Variants in ADGRG5 observed in about 807,000 individuals in gnomAD.
The protein encoded by ADGRG5 is G protein-coupled receptor 114.
A neutral mutation model predicts 53.2 loss-of-function variants in ADGRG5; 37 were observed. That is an observed-to-expected ratio of 0.70 (90% confidence interval 0.53 to 0.91). The LOEUF is 0.91. ADGRG5 is among the 40% of genes least tolerant of loss of function. The pLI is 0.00. For synonymous variants in ADGRG5, 277 were observed against 290.4 expected (o/e 0.95, Z 0.47); for missense variants, 614 against 675.8 (o/e 0.91, Z 1.01).
At chr16:57,568,853 CCTCCACCAT>C in intron 9 of ADGRG5, among the ~76,000 whole-genome samples, 1 of 149,886 alleles carries the variant, frequency 6.7e-6, no homozygotes, top group East Asian at 2.0e-4. Context: ...ATCACCACCT[CCTCCACCAT>C]CATCACCTCC....
intron 6 of ADGRG5, 52 bp downstream of exon 6, chr16:57,565,202 C>T (rs1156867262): frequency 1.8e-6 from 2 of 1,090,892 alleles, no homozygotes; most frequent in Admixed American, 1.8e-5. Context: ...CTCTGTGACT[C>T]TCCTGTTGAA....
chr16:57,533,268 A>C, the ADGRG5 span, among the ~76,000 whole-genome samples: 1 of 151,982 alleles, frequency 6.6e-6, no homozygotes, highest in Admixed American at 6.5e-5. Flanking sequence ...GGTCCCCTGG[A>C]GCGGGTGTGT....
intron 8 of ADGRG5, 68 bp downstream of exon 8, chr16:57,567,659 T>C: frequency 6.4e-7 from 1 of 1,567,694 alleles, no homozygotes; most frequent in Non-Finnish European, 8.7e-7. Flanking sequence ...GTGTCCCATT[T>C]AGTCCACTAG....
At chr16:57,571,834 A>G (rs2033370074) in intron 10 of ADGRG5, among the ~76,000 whole-genome samples, 1 of 151,802 alleles carries the variant, frequency 6.6e-6, no homozygotes, top group African/African-American at 2.4e-5. Flanking sequence ...TAGTAGAGAC[A>G]GAGTTTCAGC....
chr16:57,563,030 C>A, intron 3 of ADGRG5, 61 bp from the exon 4 acceptor site: 1 of 1,583,740 alleles, frequency 6.3e-7, no homozygotes, highest in East Asian at 2.2e-5. Flanking sequence ...TGTCTACAGC[C>A]CCCTCTCACC....
intron 9 of ADGRG5, among the ~76,000 whole-genome samples, chr16:57,569,141 C>A (rs2033250708): frequency 6.8e-6 from 1 of 146,766 alleles, no homozygotes; most frequent in South Asian, 2.3e-4. Context: ...ATCACCTCCT[C>A]CACCTCCATC....
intron 9 of ADGRG5, 118 bp downstream of exon 9, chr16:57,568,242 G>T: frequency 1.0e-6 from 1 of 999,988 alleles, no homozygotes; most frequent in Non-Finnish European, 1.5e-6. Context: ...ATGACCACCA[G>T]CTGTGAACTC....
At chr16:57,540,678 G>A (rs1426866901), upstream of ADGRG5, among the ~76,000 whole-genome samples, 1 of 152,168 alleles carries the variant, frequency 6.6e-6, no homozygotes, top group Non-Finnish European at 1.5e-5. Context: ...ACCACAGCTG[G>A]GACCGAGCAG....
Position 57,575,737 on chromosome 16 carries a change from G to A in ADGRG5, c.*199G>A, listed in dbSNP as rs530041031. 3.4e-5 allele frequency: 19 copies of A among 565,520 alleles called. No homozygotes were observed. The highest frequency in any genetic ancestry group is 1.5e-4 in the South Asian group (7 of 47,874). The allele number at this position is 565,520 out of a possible 1,614,324, so 35.0% of individuals were successfully genotyped here. On this transcript the variant is annotated 3_prime_UTR_variant, in exon 12 of 12. Transcript: ENST00000349457. ...CTACCTCTCCCTGACATTTTGCTCC[G>A]GGGCAGATCCAACCTTACCTGGGGC... is the stretch of plus-strand genomic sequence containing the variant.
chr16:57,568,509 C>T (rs2033213464), intron 9 of ADGRG5, among the ~76,000 whole-genome samples: 1 of 151,600 alleles, frequency 6.6e-6, no homozygotes. Flanking sequence ...TCATCACCAC[C>T]ATCGTCACCT....
chr16:57,567,212 C>T (rs2033158230), intron 7 of ADGRG5, among the ~76,000 whole-genome samples: 1 of 152,152 alleles, frequency 6.6e-6, no homozygotes, highest in African/African-American at 2.4e-5. Flanking sequence ...CCTTTCTGCA[C>T]AAAGAGGGCA....
intron 1 of ADGRG5, among the ~76,000 whole-genome samples, chr16:57,544,823 C>G (rs767682950): frequency 1.3e-5 from 2 of 152,164 alleles, no homozygotes; most frequent in East Asian, 1.9e-4. Flanking sequence ...AAGTCTCACT[C>G]TGTCACCCAG....
chr16:57,572,996 C>T (rs544806437), intron 10 of ADGRG5, among the ~76,000 whole-genome samples: 1 of 152,290 alleles, frequency 6.6e-6, no homozygotes, highest in African/African-American at 2.4e-5. Context: ...TGTTCCTGAG[C>T]TAGAGCCTGA....
In ADGRG5 at chr16:57,566,693, C is replaced by T. The variant is rs745929330; in HGVS notation, c.641C>T (p.Pro214Leu). The change falls in exon 7 of 12, where the codon CCC becomes CTC. Residue 214 changes from proline to leucine, a missense_variant. Physicochemically the swap from Pro to Leu is moderately conservative, Grantham distance 98 (BLOSUM62 -3). Coordinates refer to ENST00000349457, the MANE Select transcript of ADGRG5 (RefSeq NM_001304376.3). Reference sequence around the variant, plus strand: ...CCTGAGGGCTGTCGTACAGAGCAGCCCTCCCACTCTCAGGTGCTCTGCCGC... The same window carrying T: ...CCTGAGGGCTGTCGTACAGAGCAGCTCTCCCACTCTCAGGTGCTCTGCCGC... ...WSPEGCRTEQ[P>L]SHSQVLCRCN... is the part of the protein sequence containing the mutation. 1 of 1,590,958 alleles carries T rather than the reference C, an allele frequency of 6.3e-7. No individual in the cohort carries two copies. Among genetic ancestry groups the T allele is most frequent in the Non-Finnish European group, 8.5e-7 (1 of 1,169,750 alleles).
At chr16:57,549,201 A>G (rs1414623221) in intron 1 of ADGRG5, among the ~76,000 whole-genome samples, 3 of 152,296 alleles carry the variant, frequency 2.0e-5, no homozygotes, top group Non-Finnish European at 4.4e-5. Context: ...TCCTGGCTTA[A>G]AGGATATTCA....
chr16:57,547,940 G>A (rs1196330307), intron 1 of ADGRG5, among the ~76,000 whole-genome samples: 1 of 151,926 alleles, frequency 6.6e-6, no homozygotes, highest in African/African-American at 2.4e-5. Context: ...TAGAGATGGG[G>A]TTTTTCCATG....
Position 57,576,945 on chromosome 16 carries a change from G to A in ADGRG5, c.*1407G>A, listed in dbSNP as rs757612018. The A allele has an allele frequency of 1.3e-5, 2 of 152,212 alleles. No homozygotes were observed. The highest frequency in any genetic ancestry group is 2.4e-5 in the African/African-American group (1 of 41,454). 9.4% of individuals were successfully genotyped at this position (152,212 alleles called of 1,614,324 possible). A position where few individuals can be genotyped will look rare whatever the true frequency, so the allele number is the denominator to read the frequency against. ...CTCCTGGGACATCTTCTGCTCTTCT[G>A]TACATTTCTAGATGCAAATAACTCC... On this transcript the variant is annotated 3_prime_UTR_variant, in exon 12 of 12. Transcript: ENST00000349457.
In ADGRG5 at chr16:57,551,440, T is replaced by C. The variant is rs187479354; in HGVS notation, c.-39+8739T>C. 7.9e-5 allele frequency among the ~76,000 whole-genome samples: 12 copies of C among 152,368 alleles called. No homozygotes were observed. The East Asian group carries it at 1.9e-3, about 24-fold the overall frequency. On this transcript the variant is annotated intron_variant, in intron 1 of 11. Transcript: ENST00000349457. ...CATTTATTTAATATTCTAAATCTTT[T>C]GTTGTCATTTCCACAGTGTTCACCA...
At chr16:57,571,892 C>T (rs539394228) in intron 10 of ADGRG5, among the ~76,000 whole-genome samples, 1 of 152,038 alleles carries the variant, frequency 6.6e-6, no homozygotes, top group Non-Finnish European at 1.5e-5. Context: ...GATCCGTCTG[C>T]CTTGACCTCC....
Sources: gnomAD v4.1 joint callset for allele counts (sites outside exome capture counted in the v4.1 genomes callset) on GRCh38, gnomAD v4.1.1 for gene constraint, MANE v1.5 for transcripts, NCBI Gene and HGNC (gene_info 2026-07-23, HGNC 2026-07-21) for gene names.